The following B3GALT1 variants were observed in gnomAD, a reference collection of about 807,000 sequenced individuals.
The protein encoded by B3GALT1 is UDP-Gal:betaGlcNAc beta 1,3-galactosyltransferase, polypeptide 1.
B3GALT1 carries 10 observed loss-of-function variants against 23.2 expected under a neutral mutation model. The ratio of observed to expected loss-of-function variants is 0.43; its 90% CI spans 0.27 to 0.73. The LOEUF (loss-of-function observed/expected upper bound fraction) is 0.73. Among genes scored for constraint, B3GALT1 ranks in the 30% least tolerant of loss-of-function variants. B3GALT1 has a pLI of 0.21. For missense variants in B3GALT1, 299 were observed against 405.4 expected, an observed-to-expected ratio of 0.74 and a Z score of 2.25; for synonymous variants, 156 against 141.5, an observed-to-expected ratio of 1.10 and a Z score of -0.73.
intron 1 of B3GALT1, among the ~76,000 whole-genome samples, chr2:167,303,533 C>A (rs968483722): frequency 6.6e-6 from 1 of 151,976 alleles, no homozygotes; most frequent in African/African-American, 2.4e-5. Context: ...CTGTCCTCAT[C>A]AGTATGAATG....
intron 1 of B3GALT1, among the ~76,000 whole-genome samples, chr2:167,489,946 G>A (rs1699683389): frequency 6.6e-6 from 1 of 152,108 alleles, no homozygotes; most frequent in South Asian, 2.1e-4. Context: ...TTCAAAGACA[G>A]ATGTCTTTGA....
At position 167,870,346 on chromosome 2, in the gene B3GALT1, A is replaced by G. The variant is rs765839153; in HGVS notation, c.*326A>G. 28 of 227,716 alleles carry G rather than the reference A, an allele frequency of 1.2e-4. No homozygotes were observed. Among genetic ancestry groups the G allele is most frequent in the Non-Finnish European group, 2.1e-4 (23 of 107,064 alleles). 14.1% of individuals were successfully genotyped at this position (227,716 alleles called of 1,614,324 possible). On this transcript the variant is annotated 3_prime_UTR_variant, in exon 5 of 5. Transcript: ENST00000392690. The stretch of plus-strand genomic sequence containing the variant: ...TTGGTTCTGGGAAACTGAAACTCAC[A>G]GTAATGTGTCATATCATCCCTGCAA...
chr2:167,399,614 A>G (rs565296298), intron 1 of B3GALT1, among the ~76,000 whole-genome samples: 1 of 152,096 alleles, frequency 6.6e-6, no homozygotes, highest in South Asian at 2.1e-4. Context: ...TAGAAGCAGC[A>G]TATTCCTTTA....
At chr2:167,808,689 T>C (rs554626216) in intron 3 of B3GALT1, among the ~76,000 whole-genome samples, 2,725 of 146,216 alleles carry the variant, frequency 0.019, 83 homozygotes, top group South Asian at 0.043. Flanking sequence ...GTGGGTAACC[T>C]GACCTTTCTC....
intron 2 of B3GALT1, among the ~76,000 whole-genome samples, chr2:167,521,989 TATATATATATATATATACAC>T (rs1337073443): frequency 7.3e-6 from 1 of 136,474 alleles, no homozygotes; most frequent in East Asian, 2.0e-4. Context: ...TGTGTGTATA[TATATATATATATATATACAC>T]ATATATATAT....
At chr2:167,370,212 G>A (rs891059381) in intron 1 of B3GALT1, among the ~76,000 whole-genome samples, 3 of 151,692 alleles carry the variant, frequency 2.0e-5, no homozygotes, top group Non-Finnish European at 2.9e-5. Flanking sequence ...TATATACATA[G>A]GAGTTTAGTT....
intron 1 of B3GALT1, among the ~76,000 whole-genome samples, chr2:167,431,642 TC>T (rs1698706338): frequency 6.6e-6 from 1 of 152,216 alleles, no homozygotes; most frequent in South Asian, 2.1e-4. Context: ...TATAAAATTG[TC>T]CACATTCTAT....
At chr2:167,567,155 A>C (rs1684187307) in intron 2 of B3GALT1, among the ~76,000 whole-genome samples, 1 of 152,116 alleles carries the variant, frequency 6.6e-6, no homozygotes, top group African/African-American at 2.4e-5. Context: ...CTTTTTCTTG[A>C]AGCTGAGGAG....
intron 1 of B3GALT1, among the ~76,000 whole-genome samples, chr2:167,373,397 A>C (rs918099546): frequency 2.0e-5 from 3 of 152,132 alleles, no homozygotes; most frequent in African/African-American, 7.2e-5. Flanking sequence ...TCTTTGAAAG[A>C]CAACACTAAG....
chr2:167,613,908 GT>G (rs539560922), intron 2 of B3GALT1, among the ~76,000 whole-genome samples: 2 of 151,646 alleles, frequency 1.3e-5, no homozygotes, highest in African/African-American at 2.4e-5. Flanking sequence ...AAGACTGAAG[GT>G]TTTTTTCCCT....
At chr2:167,614,374 T>C (rs776262449) in intron 2 of B3GALT1, among the ~76,000 whole-genome samples, 1 of 150,188 alleles carries the variant, frequency 6.7e-6, no homozygotes, top group Non-Finnish European at 1.5e-5. Context: ...AAAAAAAAAC[T>C]ACAAAATCAT....
chr2:167,512,532 GTGTATATATATATGTATATATA>G lies in B3GALT1; in HGVS notation c.-410+22279_-410+22300del, dbSNP rs770464293. Among the ~76,000 whole-genome samples the G allele has an allele frequency of 9.7e-3, 1,143 of 117,508 alleles. 32 individuals carry two copies. Among genetic ancestry groups the G allele is most frequent in the Middle Eastern group, 0.019 (4 of 214 alleles). 77.1% of individuals were successfully genotyped at this position (117,508 alleles called of 152,430 possible). A position where few individuals can be genotyped will look rare whatever the true frequency, so the allele number is the denominator to read the frequency against. ...TGCATATATACATATATATGTGTGT[GTGTATATATATATGTATATATA>G]TGTATATATATATGTATATATATAT... On this transcript the variant is annotated intron_variant, in intron 2 of 4. Transcript: ENST00000392690.
intron 3 of B3GALT1, among the ~76,000 whole-genome samples, chr2:167,747,129 G>T (rs557249006): frequency 4.4e-4 from 67 of 152,188 alleles, no homozygotes; most frequent in Admixed American, 8.5e-4. Context: ...AGTGTTTGGG[G>T]CTTATATGTA....
chr2:167,505,550 G>A (rs1699905861), intron 2 of B3GALT1, among the ~76,000 whole-genome samples: 1 of 152,154 alleles, frequency 6.6e-6, no homozygotes, highest in South Asian at 2.1e-4. Context: ...TTTCCTACGT[G>A]AGGGCATGAA....
rs143388666 is a variant in B3GALT1, at chr2:167,372,166, A to G, written c.-511+78832A>G. Among the ~76,000 whole-genome samples, 590 of 152,150 alleles carry G rather than the reference A, an allele frequency of 3.9e-3. 2 individuals are homozygous for G. Among genetic ancestry groups the G allele is most frequent in the East Asian group, 0.018 (94 of 5,184 alleles). On this transcript the variant is annotated intron_variant, in intron 1 of 4. Transcript: ENST00000392690. ...CATGGTTATGTGGGATTTAGCCCAA[A>G]AATGAAAAGCTAATGTAACATTCAA... is the stretch of plus-strand genomic sequence containing the variant.
intron 2 of B3GALT1, among the ~76,000 whole-genome samples, chr2:167,501,718 C>CAAAAAA (rs35445623): frequency 7.6e-5 from 5 of 65,406 alleles, no homozygotes; most frequent in Non-Finnish European, 1.2e-4. Flanking sequence ...TCTACAGTGG[C>CAAAAAA]AAAAAAAAAA....
intron 1 of B3GALT1, among the ~76,000 whole-genome samples, chr2:167,473,938 C>T (rs546852279): frequency 6.6e-6 from 1 of 152,134 alleles, no homozygotes; most frequent in South Asian, 2.1e-4. Context: ...TGGGAGTGAA[C>T]CATATGGGAC....
intron 2 of B3GALT1, among the ~76,000 whole-genome samples, chr2:167,517,335 A>G (rs114657473): frequency 0.012 from 1,816 of 152,008 alleles, 34 homozygotes; most frequent in African/African-American, 0.042. Context: ...AAGCTTTTGT[A>G]TTTTTGAATG....
chr2:167,337,329 C>T (rs912065079), intron 1 of B3GALT1, among the ~76,000 whole-genome samples: 50 of 151,770 alleles, frequency 3.3e-4, no homozygotes, highest in African/African-American at 1.1e-3. Context: ...CTTCCTTTGC[C>T]ACTCTCTCCA....
Sources: gnomAD v4.1 joint callset for allele counts (sites outside exome capture counted in the v4.1 genomes callset) on GRCh38, gnomAD v4.1.1 for gene constraint, MANE v1.5 for transcripts, NCBI Gene and HGNC (gene_info 2026-07-23, HGNC 2026-07-21) for gene names.